Variants in KANSL1L observed in about 807,000 individuals in gnomAD.
KANSL1L encodes the protein KAT8 regulatory NSL complex subunit 1 like, also known as KAT8 regulatory NSL complex subunit 1-like protein.
Under a neutral mutation model 108.6 loss-of-function variants are expected in KANSL1L, and 25 were observed. The ratio of observed to expected loss-of-function variants is 0.23; its 90% CI spans 0.17 to 0.32. KANSL1L has a LOEUF of 0.32. KANSL1L is among the 10% of genes least tolerant of loss of function. KANSL1L has a pLI of 1.00. For missense variants in KANSL1L, 1,137 were observed against 1,125.7 expected, an observed-to-expected ratio of 1.01 and a Z score of -0.14; for synonymous variants, 405 against 395.1, an observed-to-expected ratio of 1.03 and a Z score of -0.30.
intron 6 of KANSL1L, among the ~76,000 whole-genome samples, chr2:210,045,518 A>G (rs1309703832): frequency 6.6e-6 from 1 of 152,184 alleles, no homozygotes; most frequent in East Asian, 1.9e-4. Context: ...TATCATCAAC[A>G]TTCATGAATA....
chr2:210,057,355 T>C (rs2094362588), intron 6 of KANSL1L, among the ~76,000 whole-genome samples: 1 of 152,038 alleles, frequency 6.6e-6, no homozygotes. Context: ...TGAGCCAAGA[T>C]CGTTGACACT....
chr2:210,154,623 TA>T lies in KANSL1L; in HGVS notation c.-29-13del, dbSNP rs2095323410. The T allele has an allele frequency of 7.3e-7, 1 of 1,378,442 alleles. No homozygotes were observed. 85.4% of individuals were successfully genotyped at this position (1,378,442 alleles called of 1,614,324 possible). On this transcript the variant is annotated splice_polypyrimidine_tract_variant and intron_variant, in intron 1 of 14. Transcript: ENST00000281772. ...TAAGTATTGGAAACCTACAATAATG[TA>T]AAAATAAATGGTCAAATATCTAGAA... is the stretch of plus-strand genomic sequence containing the variant.
chr2:210,028,766 A>G, intron 11 of KANSL1L, 79 bp downstream of exon 11: 7 of 1,067,302 alleles, frequency 6.6e-6, no homozygotes, highest in Non-Finnish European at 9.4e-6. Context: ...TCCTTTCATT[A>G]ATTAAAATTC....
intron 3 of KANSL1L, among the ~76,000 whole-genome samples, chr2:210,110,975 G>A (rs1166286534): frequency 6.6e-6 from 1 of 152,050 alleles, no homozygotes; most frequent in Admixed American, 6.6e-5. Context: ...AGCCAGGTGC[G>A]CTGGTGCATT....
chr2:210,106,837 T>G (rs1254101259), intron 3 of KANSL1L, among the ~76,000 whole-genome samples: 5 of 151,814 alleles, frequency 3.3e-5, no homozygotes, highest in Non-Finnish European at 7.4e-5. Context: ...TTTTCCTCCA[T>G]AAACTACTAC....
chr2:210,045,899 T>A (rs1008238061), intron 6 of KANSL1L, among the ~76,000 whole-genome samples: 9 of 152,220 alleles, frequency 5.9e-5, no homozygotes, highest in African/African-American at 2.2e-4. Context: ...TTAGCAGGCT[T>A]ACCATAAGAT....
intron 2 of KANSL1L, 112 bp from the exon 3 acceptor site, chr2:210,129,284 C>A: frequency 1.3e-6 from 1 of 792,416 alleles, no homozygotes; most frequent in South Asian, 2.5e-5. Context: ...CTTTCTACAA[C>A]ATGTAATTAC....
chr2:210,051,625 C>T (rs2094293267), intron 6 of KANSL1L, among the ~76,000 whole-genome samples: 1 of 152,082 alleles, frequency 6.6e-6, no homozygotes, highest in Non-Finnish European at 1.5e-5. Context: ...TCCTTCAGAA[C>T]TTTGGAGACA....
chr2:210,114,081 T>A (rs2094932534), intron 3 of KANSL1L, among the ~76,000 whole-genome samples: 1 of 152,090 alleles, frequency 6.6e-6, no homozygotes, highest in East Asian at 1.9e-4. Context: ...TATCAAAAGC[T>A]GAATGAGCTC....
chr2:210,118,408 A>G (rs1424746317), intron 3 of KANSL1L, among the ~76,000 whole-genome samples: 2 of 146,310 alleles, frequency 1.4e-5, no homozygotes, highest in African/African-American at 5.1e-5. Flanking sequence ...TGGAGGTCGC[A>G]CTGTGAGCTC....
intron 5 of KANSL1L, among the ~76,000 whole-genome samples, chr2:210,090,898 T>C (rs1377924388): frequency 6.6e-6 from 1 of 152,218 alleles, no homozygotes; most frequent in African/African-American, 2.4e-5. Context: ...TATTATTATA[T>C]TGCTACTATA....
At chr2:210,029,956 C>A in intron 9 of KANSL1L, 38 bp from the exon 10 acceptor site, 4 of 1,007,986 alleles carry the variant, frequency 4.0e-6, no homozygotes, top group Non-Finnish European at 6.2e-6. Flanking sequence ...ACACATTAAA[C>A]AAGTCTAATA....
chr2:210,064,590 A>AT (rs2094449488), intron 6 of KANSL1L, among the ~76,000 whole-genome samples: 1 of 152,060 alleles, frequency 6.6e-6, no homozygotes, highest in Non-Finnish European at 1.5e-5. Flanking sequence ...CAGGAGGATC[A>AT]TTTTTTGAGC....
chr2:210,070,333 C>T (rs1227382534), intron 6 of KANSL1L, among the ~76,000 whole-genome samples: 2 of 142,664 alleles, frequency 1.4e-5, no homozygotes, highest in Non-Finnish European at 3.0e-5. Context: ...CGGGTTCATG[C>T]CATTCTCCTG....
At chr2:210,106,875 A>C (rs1017911836) in intron 3 of KANSL1L, among the ~76,000 whole-genome samples, 5 of 152,096 alleles carry the variant, frequency 3.3e-5, no homozygotes, top group African/African-American at 9.7e-5. Flanking sequence ...GAGTGTGAGG[A>C]GAGTGGCCCA....
At chr2:210,154,865 G>C (rs1443627449) in intron 1 of KANSL1L, among the ~76,000 whole-genome samples, 6 of 151,494 alleles carry the variant, frequency 4.0e-5, no homozygotes, top group African/African-American at 1.5e-4. Context: ...AATATTTGTG[G>C]ATGTAATTAC....
intron 6 of KANSL1L, among the ~76,000 whole-genome samples, chr2:210,048,549 ATATG>A (rs1270700385): frequency 6.6e-5 from 10 of 152,054 alleles, no homozygotes; most frequent in Admixed American, 6.6e-4. Flanking sequence ...TTTTGTAGGA[ATATG>A]TGTGTGTATA....
intron 11 of KANSL1L, 62 bp downstream of exon 11, chr2:210,028,783 T>A: frequency 8.1e-7 from 1 of 1,239,638 alleles, no homozygotes; most frequent in Non-Finnish European, 1.1e-6. Context: ...ATTCTTCACT[T>A]TGAAAATTTA....
At chr2:210,066,289 T>A (rs1015984358) in intron 6 of KANSL1L, among the ~76,000 whole-genome samples, 1 of 152,164 alleles carries the variant, frequency 6.6e-6, no homozygotes, top group African/African-American at 2.4e-5. Flanking sequence ...TTACTACAAC[T>A]GTAGGAGAGA....
Sources: allele counts gnomAD v4.1 joint callset (sites outside exome capture counted in the v4.1 genomes callset), GRCh38; gene constraint gnomAD v4.1.1; transcripts MANE v1.5; gene names NCBI Gene and HGNC (gene_info 2026-07-23, HGNC 2026-07-21).